The following ZNF714 variants were observed in gnomAD, a reference collection of about 807,000 sequenced individuals.
ZNF714 encodes the protein zinc finger protein 714.
ZNF714 carries 32 observed loss-of-function variants against 46.2 expected under a neutral mutation model. The ratio of observed to expected loss-of-function variants is 0.69; its 90% CI spans 0.52 to 0.93. The LOEUF is 0.93. ZNF714 is among the 40% of genes least tolerant of loss of function. The pLI is 0.00. For missense variants in ZNF714, 635 were observed against 646.3 expected, an observed-to-expected ratio of 0.98 and a Z score of 0.19; for synonymous variants, 199 against 213.1, an observed-to-expected ratio of 0.93 and a Z score of 0.58.
At chr19:21,095,401 G>C (rs1019272640) in intron 2 of ZNF714, among the ~76,000 whole-genome samples, 1 of 152,124 alleles carries the variant, frequency 6.6e-6, no homozygotes, top group Non-Finnish European at 1.5e-5. Context: ...AGTAAATACC[G>C]TGGGCTCCCA....
chr19:21,101,642 A>G (rs932396920), intron 4 of ZNF714, among the ~76,000 whole-genome samples: 1 of 152,160 alleles, frequency 6.6e-6, no homozygotes, highest in African/African-American at 2.4e-5. Flanking sequence ...GAACTGAGTC[A>G]TTAAACTACT....
chr19:21,090,201 A>G (rs1157193600), intron 2 of ZNF714, among the ~76,000 whole-genome samples: 1 of 152,204 alleles, frequency 6.6e-6, no homozygotes, highest in Non-Finnish European at 1.5e-5. Flanking sequence ...AATAGAAAAG[A>G]TAAGAAAGGG....
At chr19:21,099,793 G>A (rs911851962) in intron 4 of ZNF714, among the ~76,000 whole-genome samples, 3 of 152,128 alleles carry the variant, frequency 2.0e-5, no homozygotes, top group Admixed American at 6.5e-5. Flanking sequence ...TTTATTGAAT[G>A]TGTAGATGAC....
intron 2 of ZNF714, among the ~76,000 whole-genome samples, chr19:21,089,363 A>G (rs763933087): frequency 8.5e-5 from 13 of 152,186 alleles, no homozygotes; most frequent in Non-Finnish European, 1.6e-4. Flanking sequence ...TCTTATTACC[A>G]GACTTTAGTC....
chr19:21,117,400 A>G lies in ZNF714; in HGVS notation c.736A>G (p.Thr246Ala), dbSNP rs1416951218. The G allele has an allele frequency of 1.2e-6, 2 of 1,613,284 alleles. No homozygotes were observed. Among genetic ancestry groups the G allele is most frequent in the African/African-American group, 1.3e-5 (1 of 74,854 alleles). ...KAFYHSSHLT[T>A]HKVIHTGEKP... Reference sequence around the variant, plus strand: ...CTTCTACCATTCTTCACACCTTACTACACATAAGGTAATTCATACTGGAGA... The same window carrying G: ...CTTCTACCATTCTTCACACCTTACTGCACATAAGGTAATTCATACTGGAGA... The change falls in exon 5 of 5, where the codon ACA (threonine) becomes GCA (alanine). Residue 246 changes from threonine to alanine, a missense_variant. Thr to Ala is a moderately conservative substitution (Grantham distance 58, BLOSUM62 0). Transcript: ENST00000456283.
At chr19:21,084,702 ATTTTTTTT>A (rs36069214) in intron 2 of ZNF714, among the ~76,000 whole-genome samples, 1 of 135,258 alleles carries the variant, frequency 7.4e-6, no homozygotes, top group Admixed American at 7.4e-5. Flanking sequence ...AAGGTAGGAA[ATTTTTTTT>A]TTTTTTTTTT....
At chr19:21,107,333 G>A (rs867442635) in intron 4 of ZNF714, among the ~76,000 whole-genome samples, 1 of 151,862 alleles carries the variant, frequency 6.6e-6, no homozygotes, top group Non-Finnish European at 1.5e-5. Context: ...TCCGCCTCCC[G>A]GGTTCAAGCA....
rs10427116 is a variant in ZNF714 at position 21,118,084 on chromosome 19, A to G, written c.1420A>G (p.Ile474Val). The change falls in exon 5 of 5, where the codon ATT (isoleucine) becomes GTT (valine). Residue 474 changes from isoleucine to valine, a missense_variant. Ile to Val is a conservative substitution (Grantham distance 29). Coordinates refer to ENST00000456283, the MANE Select transcript of ZNF714 (RefSeq NM_182515.4). ...RSSNLTKHNI[I>V]HTGEKSYKCE... ...CTCAAACCTTACTAAACATAACATA[A>G]TTCATACTGGAGAGAAATCTTACAA... 1.0e-3 allele frequency: 1,670 copies of G among 1,613,984 alleles called. 13 individuals are homozygous for G. In the African/African-American group the frequency reaches 0.02, roughly 19 times the overall value.
intron 4 of ZNF714, among the ~76,000 whole-genome samples, chr19:21,101,624 G>A (rs1473776379): frequency 1.3e-5 from 2 of 152,138 alleles, no homozygotes; most frequent in Non-Finnish European, 2.9e-5. Flanking sequence ...CTGTGGCTCA[G>A]AGAGCTGGAA....
intron 4 of ZNF714, among the ~76,000 whole-genome samples, chr19:21,108,054 G>T (rs535871725): frequency 1.3e-5 from 2 of 152,052 alleles, no homozygotes; most frequent in Non-Finnish European, 2.9e-5. Context: ...CTCCTATGTA[G>T]CTGAGACTAC....
Position 21,082,333 on chromosome 19 carries a change from C to A in ZNF714, c.-192C>A. On this transcript the variant is annotated 5_prime_UTR_variant, in exon 1 of 5. Coordinates refer to ENST00000456283, the MANE Select transcript of ZNF714 (RefSeq NM_182515.4). ...TCCACAGCTAAGACGCCAGGTACCCCGGAAGCCTAGAAATGGTGAGAGTGC... is the reference window on the plus strand; with the variant it reads ...TCCACAGCTAAGACGCCAGGTACCCAGGAAGCCTAGAAATGGTGAGAGTGC... 1 of 1,455,720 alleles carries A rather than the reference C, an allele frequency of 6.9e-7. No individual in the cohort carries two copies. The highest frequency in any genetic ancestry group is 9.3e-7 in the Non-Finnish European group (1 of 1,076,636). The allele number at this position is 1,455,720 out of a possible 1,614,324, so 90.2% of individuals were successfully genotyped here. A position where few individuals can be genotyped will look rare whatever the true frequency, so the allele number is the denominator to read the frequency against.
chr19:21,118,178 G>A lies in ZNF714; in HGVS notation c.1514G>A (p.Gly505Asp). Residue 505 changes from glycine (G) to aspartate (D), a missense_variant, in exon 5 of 5, where the codon GGC becomes GAC. Transcript: ENST00000456283. ...ACTAAACATAGGAAAATTCAGCAGG[G>A]CATGGTGGCTCATGCCTGTAATCCC... ...TLTKHRKIQQ[G>D]MVAHACNPNT... The A allele has an allele frequency of 6.2e-7, 1 of 1,612,014 alleles. No homozygotes were observed. Among genetic ancestry groups the A allele is most frequent in the Non-Finnish European group, 8.5e-7 (1 of 1,178,848 alleles).
intron 2 of ZNF714, among the ~76,000 whole-genome samples, chr19:21,097,843 A>G (rs1425977615): frequency 6.6e-6 from 1 of 151,972 alleles, no homozygotes. Flanking sequence ...TTTGAGAGGT[A>G]CCATCTAACT....
intron 4 of ZNF714, among the ~76,000 whole-genome samples, chr19:21,108,287 A>G (rs1001586277): frequency 9.9e-5 from 15 of 152,222 alleles, no homozygotes; most frequent in African/African-American, 3.6e-4. Context: ...ATCAGGTGCA[A>G]ATAAGAACAT....
At chr19:21,111,003 G>A (rs1383758053) in intron 4 of ZNF714, among the ~76,000 whole-genome samples, 1 of 152,168 alleles carries the variant, frequency 6.6e-6, no homozygotes, top group African/African-American at 2.4e-5. Context: ...TTCTAGTATA[G>A]TTTGAAGTTG....
Position 21,117,235 on chromosome 19 carries a change from C to G in ZNF714, c.571C>G (p.His191Asp), listed in dbSNP as rs373144420. ...VFKRFSTLTRHKRVHTGEKPF... is the reference protein window; with the variant it reads ...VFKRFSTLTRDKRVHTGEKPF... ...TAAGCGGTTCTCAACCCTTACTAGACACAAGAGAGTTCATACTGGAGAGAA... is the reference window on the plus strand; with the variant it reads ...TAAGCGGTTCTCAACCCTTACTAGAGACAAGAGAGTTCATACTGGAGAGAA... Residue 191 changes from histidine (H) to aspartate (D), a missense_variant, in exon 5 of 5, where the codon CAC (histidine) becomes GAC (aspartate). Transcript: ENST00000456283. The G allele has an allele frequency of 1.9e-6, 3 of 1,614,044 alleles. No homozygotes were observed. Among genetic ancestry groups the G allele is most frequent in the Non-Finnish European group, 2.5e-6 (3 of 1,179,952 alleles).
chr19:21,086,653 G>C (rs1010994583), intron 2 of ZNF714, among the ~76,000 whole-genome samples: 1 of 152,110 alleles, frequency 6.6e-6, no homozygotes, highest in Non-Finnish European at 1.5e-5. Flanking sequence ...TTTAAAACTT[G>C]TATCTTTTGC....
chr19:21,101,978 G>T (rs538182913), intron 4 of ZNF714, among the ~76,000 whole-genome samples: 2 of 152,256 alleles, frequency 1.3e-5, no homozygotes, highest in East Asian at 3.9e-4. Context: ...GCACTTACTT[G>T]GGAGATGGGA....
rs891929333 is a variant in ZNF714, at chr19:21,102,162, A to G, written c.142+3252A>G. ...TTTTTGCTGTGGTGAGGATAATCAA[A>G]TAGAGCACCTTTTATTTTTTCATGT... On this transcript the variant is annotated intron_variant, in intron 4 of 4. Coordinates refer to ENST00000456283, the MANE Select transcript of ZNF714 (RefSeq NM_182515.4). 1.8e-4 allele frequency among the ~76,000 whole-genome samples: 27 copies of G among 152,326 alleles called. 1 individual carries two copies. The highest frequency in any genetic ancestry group is 1.7e-3 in the Admixed American group (26 of 15,296).
Sources: allele counts gnomAD v4.1 joint callset (sites outside exome capture counted in the v4.1 genomes callset), GRCh38; gene constraint gnomAD v4.1.1; transcripts MANE v1.5; gene names NCBI Gene and HGNC (gene_info 2026-07-23, HGNC 2026-07-21).